PREX2: variants seen among roughly 807,000 people sequenced by gnomAD.
PREX2 encodes the protein phosphatidylinositol-3,4,5-trisphosphate dependent Rac exchange factor 2, also known as phosphatidylinositol 3,4,5-trisphosphate-dependent Rac exchanger 2 protein.
In PREX2, 107 loss-of-function variants were observed where a neutral mutation model predicts 203.2. The observed-to-expected ratio is 0.53, with a 90% CI of 0.45 to 0.62. The LOEUF is 0.62. PREX2 is among the 20% of genes least tolerant of loss of function. The pLI is 0.00. For synonymous variants in PREX2, 672 were observed against 663.6 expected, an observed-to-expected ratio of 1.01 and a Z score of -0.19; for missense variants, 1,777 against 1,955.9, an observed-to-expected ratio of 0.91 and a Z score of 1.72.
intron 22 of PREX2, among the ~76,000 whole-genome samples, chr8:68,098,976 A>ATATATC (rs1450847535): frequency 7.7e-6 from 1 of 129,778 alleles, no homozygotes; most frequent in African/African-American, 2.8e-5. Flanking sequence ...ATATATATAT[A>ATATATC]TCTCACATAA....
At chr8:68,045,026 GT>G (rs1456827013) in intron 8 of PREX2, among the ~76,000 whole-genome samples, 1 of 152,092 alleles carries the variant, frequency 6.6e-6, no homozygotes, top group African/African-American at 2.4e-5. Context: ...ATATAGACAG[GT>G]TGTCAATTTT....
chr8:68,000,155 C>G (rs973511751), intron 1 of PREX2, among the ~76,000 whole-genome samples: 2 of 152,090 alleles, frequency 1.3e-5, no homozygotes, highest in Non-Finnish European at 2.9e-5. Context: ...GGAAGTCAAA[C>G]TATCCCTATT....
rs766005867 is a variant in PREX2, at chr8:68,121,033, C to T, written c.3708C>T (p.Ile1236=). The T allele has an allele frequency of 1.9e-6, 3 of 1,613,114 alleles. No homozygotes were observed. The highest frequency in any genetic ancestry group is 1.6e-4 in the Middle Eastern group (1 of 6,082). ...PSSVRTLAQN[I]RKFVEEVKCR... ...GCGTCCGGACTCTTGCTCAGAACATCAGGAAATTTGTTGAAGGTCAGCATG... is the reference window on the plus strand; with the variant it reads ...GCGTCCGGACTCTTGCTCAGAACATTAGGAAATTTGTTGAAGGTCAGCATG... The change falls in exon 30 of 40, where the codon ATC becomes ATT. Residue 1236 remains isoleucine, a synonymous_variant. Transcript: ENST00000288368.
At chr8:68,003,763 G>A (rs539727175) in intron 1 of PREX2, among the ~76,000 whole-genome samples, 6 of 151,574 alleles carry the variant, frequency 4.0e-5, no homozygotes, top group Admixed American at 2.0e-4. Context: ...AGGCAAGAAT[G>A]GAAACTTTGG....
chr8:68,132,069 A>G (rs942440901), intron 31 of PREX2, among the ~76,000 whole-genome samples: 6 of 152,188 alleles, frequency 3.9e-5, no homozygotes, highest in African/African-American at 1.4e-4. Flanking sequence ...ACTGGAGCTA[A>G]CAAGCTATCT....
At chr8:67,995,464 A>G (rs1008230850) in intron 1 of PREX2, among the ~76,000 whole-genome samples, 1 of 152,202 alleles carries the variant, frequency 6.6e-6, no homozygotes, top group Non-Finnish European at 1.5e-5. Flanking sequence ...AGACAGAATT[A>G]GTTCATCCTT....
intron 23 of PREX2, among the ~76,000 whole-genome samples, chr8:68,103,333 C>G (rs1810316911): frequency 6.6e-6 from 1 of 152,096 alleles, no homozygotes; most frequent in Non-Finnish European, 1.5e-5. Context: ...AAGCTATCTG[C>G]AAAATAGTAG....
intron 37 of PREX2, among the ~76,000 whole-genome samples, chr8:68,214,406 A>C (rs1563590672): frequency 6.6e-6 from 1 of 152,158 alleles, no homozygotes; most frequent in African/African-American, 2.4e-5. Flanking sequence ...TCTCCAAAAA[A>C]AGAGAAACCT....
intron 38 of PREX2, among the ~76,000 whole-genome samples, chr8:68,218,829 G>T (rs565380617): frequency 1.9e-4 from 29 of 152,280 alleles, no homozygotes; most frequent in Non-Finnish European, 3.1e-4. Context: ...TGAAAACCAA[G>T]ATCTTAGAAG....
chr8:68,083,094 T>A, intron 17 of PREX2, 146 bp from the exon 18 acceptor site: 1 of 569,790 alleles, frequency 1.8e-6, no homozygotes, highest in East Asian at 2.8e-5. Context: ...ACAGTTCTGC[T>A]TTGTGAATTT....
chr8:68,029,223 T>C (rs1165020896), intron 5 of PREX2, among the ~76,000 whole-genome samples: 1 of 152,178 alleles, frequency 6.6e-6, no homozygotes, highest in East Asian at 1.9e-4. Flanking sequence ...TCTTAGCAAG[T>C]AATGGCCAAG....
chr8:68,127,546 C>A, intron 31 of PREX2, 127 bp downstream of exon 31: 1 of 581,796 alleles, frequency 1.7e-6, no homozygotes, highest in South Asian at 2.5e-5. Flanking sequence ...CTACCTTCTC[C>A]AAAGCTTTGG....
chr8:68,009,948 A>G (rs1378731669), intron 1 of PREX2, among the ~76,000 whole-genome samples: 1 of 152,162 alleles, frequency 6.6e-6, no homozygotes, highest in African/African-American at 2.4e-5. Context: ...CTTCTGGTCC[A>G]TGCCCTGATC....
At chr8:68,152,393 G>A (rs534427908) in intron 34 of PREX2, among the ~76,000 whole-genome samples, 2 of 149,634 alleles carry the variant, frequency 1.3e-5, no homozygotes, top group African/African-American at 4.9e-5. Flanking sequence ...AGAAGAAATC[G>A]TTTCCAGGAT....
Position 68,146,373 on chromosome 8 carries a change from T to G in PREX2, c.4231+21T>G, listed in dbSNP as rs759604721. Reference sequence around the variant, plus strand: ...ACAAGGTAAACTGTTTCTCTTTTGATGGCTGCTATACTTTAATTATTTTAT... The same window carrying G: ...ACAAGGTAAACTGTTTCTCTTTTGAGGGCTGCTATACTTTAATTATTTTAT... On this transcript the variant is annotated intron_variant, in intron 34 of 39. Coordinates refer to ENST00000288368, the MANE Select transcript of PREX2 (RefSeq NM_024870.4). 3.1e-6 allele frequency: 5 copies of G among 1,591,526 alleles called. No individual in the cohort carries two copies. The Admixed American group carries it at 6.8e-5, about 22-fold the overall frequency.
At chr8:68,030,438 A>T in intron 5 of PREX2, 59 bp from the exon 6 acceptor site, 2 of 1,558,336 alleles carry the variant, frequency 1.3e-6, no homozygotes, top group Non-Finnish European at 1.8e-6. Flanking sequence ...GTCAGTCTGA[A>T]CCTGCTGTAC....
At chr8:68,067,119 T>C (rs149185869) in intron 11 of PREX2, among the ~76,000 whole-genome samples, 130 of 152,218 alleles carry the variant, frequency 8.5e-4, no homozygotes, top group African/African-American at 3.1e-3. Flanking sequence ...TTTTTATCAG[T>C]GTGGCTTTGT....
chr8:68,100,217 C>A (rs758610941), intron 23 of PREX2: 8 of 459,364 alleles, frequency 1.7e-5, no homozygotes, highest in Admixed American at 4.7e-5. Context: ...TGAAAACTCT[C>A]AATCAGAAAG....
intron 30 of PREX2, among the ~76,000 whole-genome samples, chr8:68,122,288 T>C (rs557735106): frequency 5.9e-5 from 9 of 152,222 alleles, no homozygotes; most frequent in East Asian, 1.9e-4. Context: ...AAATAAATCA[T>C]AGTGATTCTA....
Sources: gnomAD v4.1 joint callset for allele counts (sites outside exome capture counted in the v4.1 genomes callset) on GRCh38, gnomAD v4.1.1 for gene constraint, MANE v1.5 for transcripts, NCBI Gene and HGNC (gene_info 2026-07-23, HGNC 2026-07-21) for gene names.